The following TCN1 variants were observed in gnomAD, a reference collection of about 807,000 sequenced individuals.
TCN1 encodes transcobalamin-1.
A neutral mutation model predicts 46.3 loss-of-function variants in TCN1; 47 were observed. The ratio of observed to expected loss-of-function variants is 1.01; its 90% CI spans 0.80 to 1.29. The LOEUF (loss-of-function observed/expected upper bound fraction) is 1.29, where lower values mean the gene tolerates loss of function less well. TCN1 is among the 50% of genes most tolerant of loss of function. The pLI, the probability that TCN1 is intolerant of heterozygous loss-of-function variation, is 0.00. For missense variants in TCN1, 532 were observed against 511.0 expected (o/e 1.04, Z -0.40); for synonymous variants, 183 against 192.5 (o/e 0.95, Z 0.41).
rs960205512 is a variant in TCN1 at position 59,852,908 on chromosome 11, A to G, written c.*67T>C. 5.0e-6 allele frequency: 7 copies of G among 1,403,962 alleles called. No homozygotes were observed. The highest frequency in any genetic ancestry group is 2.3e-5 in the East Asian group (1 of 43,840). The allele number at this position is 1,403,962 out of a possible 1,614,324, so 87.0% of individuals were successfully genotyped here. A position where few individuals can be genotyped will look rare whatever the true frequency, so the allele number is the denominator to read the frequency against. ...TACTGGGATAAATGAAGAAGAAGGC[A>G]TAAGGACAATAAACATGGAACTCCA... On this transcript the variant is annotated 3_prime_UTR_variant, in exon 9 of 9. Coordinates refer to ENST00000257264, the MANE Select transcript of TCN1 (RefSeq NM_001062.4).
intron 2 of TCN1, 68 bp downstream of exon 2, chr11:59,863,839 A>C (rs1853043219): frequency 1.3e-6 from 2 of 1,575,682 alleles, no homozygotes; most frequent in Admixed American, 1.7e-5. Context: ...ATTTTTTAGG[A>C]TTAGTTGCAG....
Position 59,852,929 on chromosome 11 carries a change from C to A in TCN1, c.*46G>T. On this transcript the variant is annotated 3_prime_UTR_variant, in exon 9 of 9. Coordinates refer to ENST00000257264, the MANE Select transcript of TCN1 (RefSeq NM_001062.4). ...AGGCATAAGGACAATAAACATGGAACTCCACTGCAAATGGATTTTATGCAG... is the reference window on the plus strand; with the variant it reads ...AGGCATAAGGACAATAAACATGGAAATCCACTGCAAATGGATTTTATGCAG... The A allele has an allele frequency of 1.3e-6, 2 of 1,563,882 alleles. No homozygotes were observed. The highest frequency in any genetic ancestry group is 1.8e-6 in the Non-Finnish European group (2 of 1,134,224).
intron 4 of TCN1, 105 bp from the exon 5 acceptor site, chr11:59,859,372 G>T: frequency 7.9e-7 from 1 of 1,258,108 alleles, no homozygotes; most frequent in Non-Finnish European, 1.1e-6. Flanking sequence ...AAGAAAAACA[G>T]ATCTAGAAAA....
chr11:59,860,879 G>A (rs1853008542), intron 4 of TCN1, among the ~76,000 whole-genome samples: 1 of 152,136 alleles, frequency 6.6e-6, no homozygotes, highest in Admixed American at 6.5e-5. Context: ...AATACTACAT[G>A]GTGATTTGCT....
intron 1 of TCN1, among the ~76,000 whole-genome samples, chr11:59,865,064 A>C (rs1853059815): frequency 6.6e-6 from 1 of 152,208 alleles, no homozygotes; most frequent in Non-Finnish European, 1.5e-5. Flanking sequence ...AAACTGTAAA[A>C]TGCTGCACAT....
At position 59,861,651 on chromosome 11, in the gene TCN1, GTAGT is replaced by G. The variant is rs969748517; in HGVS notation, c.428_431del (p.Asn143ThrfsTer42). The G allele has an allele frequency of 2.5e-6, 4 of 1,614,182 alleles. No individual in the cohort carries two copies. The highest frequency in any genetic ancestry group is 3.4e-6 in the Non-Finnish European group (4 of 1,179,986). The stretch of plus-strand genomic sequence containing the variant: ...CCAAAACGTCCAGGCTGAGCTGGTA[GTAGT>G]TAGTCAGGGGAGTGCCATTGTGTGC... On this transcript the variant is annotated frameshift_variant, in exon 4 of 9. Coordinates refer to ENST00000257264, the MANE Select transcript of TCN1 (RefSeq NM_001062.4). LOFTEE classifies it high-confidence loss of function.
In TCN1 at chr11:59,853,334, G is replaced by GC; in HGVS notation, c.1122-14dup. 6.2e-7 allele frequency: 1 copy of GC among 1,609,120 alleles called. No homozygotes were observed. Among genetic ancestry groups the GC allele is most frequent in the Non-Finnish European group, 8.5e-7 (1 of 1,175,434 alleles). On this transcript the variant is annotated splice_polypyrimidine_tract_variant and intron_variant, in intron 7 of 8. Transcript: ENST00000257264. ...CTCCATTGTGAAACTGTGGGTGACA[G>GC]CAAGTAGGTTACTGGAACTTAGAAT... is the stretch of plus-strand genomic sequence containing the variant.
chr11:59,857,550 C>T (rs148725926), intron 5 of TCN1, among the ~76,000 whole-genome samples: 2 of 152,168 alleles, frequency 1.3e-5, no homozygotes, highest in African/African-American at 4.8e-5. Flanking sequence ...GCCTAACATT[C>T]TTTTGTGCTT....
intron 5 of TCN1, among the ~76,000 whole-genome samples, chr11:59,858,831 G>A (rs764369713): frequency 1.3e-5 from 2 of 152,090 alleles, no homozygotes; most frequent in Admixed American, 6.5e-5. Flanking sequence ...TTAGCCGGGC[G>A]TGGTGGTGGA....
rs142805308 is a variant in TCN1, at chr11:59,854,773, T to C, written c.1000A>G (p.Ile334Val). Residue 334 changes from isoleucine to valine, a missense_variant, in exon 7 of 9, where the codon ATC becomes GTC. Physicochemically the swap from Ile to Val is conservative, Grantham distance 29. Coordinates refer to ENST00000257264, the MANE Select transcript of TCN1 (RefSeq NM_001062.4). ...ATTCTCACAGAGTAATTGACGGAGA[T>C]ATATGATTGTGAGTCAGGAGGTGTC... The part of the protein sequence containing the change: ...TVTPPDSQSY[I>V]SVNYSVRINE... 5,360 of 1,614,032 alleles carry C rather than the reference T, an allele frequency of 3.3e-3. 21 individuals are homozygous for C. The highest frequency in any genetic ancestry group is 3.8e-3 in the Non-Finnish European group (4,458 of 1,179,934).
chr11:59,858,445 A>T (rs1472338772), intron 5 of TCN1, among the ~76,000 whole-genome samples: 1 of 152,184 alleles, frequency 6.6e-6, no homozygotes, highest in African/African-American at 2.4e-5. Flanking sequence ...GTGTGTGTGA[A>T]AGTGTAAACT....
At chr11:59,857,488 A>G (rs992046452) in intron 5 of TCN1, among the ~76,000 whole-genome samples, 2 of 152,180 alleles carry the variant, frequency 1.3e-5, no homozygotes, top group African/African-American at 4.8e-5. Context: ...GCCTCCTGTT[A>G]TGTTTCCCAA....
At chr11:59,865,714 A>G (rs961104467) in intron 1 of TCN1, among the ~76,000 whole-genome samples, 5 of 152,184 alleles carry the variant, frequency 3.3e-5, no homozygotes, top group Non-Finnish European at 7.4e-5. Flanking sequence ...GAAGCTAAAG[A>G]AATTCAGAAA....
In TCN1 at chr11:59,856,073, TGGGGTG is replaced by T; in HGVS notation, c.748-21_748-16del. The T allele has an allele frequency of 7.4e-6, 2 of 270,388 alleles. No homozygotes were observed. Among genetic ancestry groups the T allele is most frequent in the Non-Finnish European group, 1.4e-5 (2 of 145,920 alleles). 16.7% of individuals were successfully genotyped at this position (270,388 alleles called of 1,614,324 possible). ...ACAAAGAGGGCCTAATGAGGCAGGG[TGGGGTG>T]GGGGGGTGATGAGAGATAAAGAGAG... On this transcript the variant is annotated splice_polypyrimidine_tract_variant and intron_variant, in intron 5 of 8. Coordinates refer to ENST00000257264, the MANE Select transcript of TCN1 (RefSeq NM_001062.4).
chr11:59,862,753 G>A (rs781659018), intron 2 of TCN1, 31 bp from the exon 3 acceptor site: 6 of 1,611,306 alleles, frequency 3.7e-6, no homozygotes, highest in East Asian at 2.2e-5. Flanking sequence ...GCTTAATAAG[G>A]TACAGGCTTG....
At chr11:59,858,721 C>G (rs1852977603) in intron 5 of TCN1, among the ~76,000 whole-genome samples, 1 of 152,218 alleles carries the variant, frequency 6.6e-6, no homozygotes. Context: ...GTAATCCCAG[C>G]ACTTTGGGAG....
At chr11:59,858,925 C>A (rs946331405) in intron 5 of TCN1, 152 bp downstream of exon 5, 3 of 848,788 alleles carry the variant, frequency 3.5e-6, no homozygotes. Flanking sequence ...ATCGCTTGAA[C>A]TCGGGAGGCG....
At position 59,859,262 on chromosome 11, in the gene TCN1, C is replaced by T. The variant is rs755035216; in HGVS notation, c.562G>A (p.Gly188Ser). Residue 188 changes from glycine (G) to serine (S), a missense_variant, in exon 5 of 9, where the codon GGT becomes AGT. Physicochemically the swap from Gly to Ser is moderately conservative, Grantham distance 56. Coordinates refer to ENST00000257264, the MANE Select transcript of TCN1 (RefSeq NM_001062.4). Reference protein sequence around the residue: ...YFGSQFSVDTGAMAVLALTCV... With the variant: ...YFGSQFSVDTSAMAVLALTCV... ...GTCAGAGCCAGGACAGCCATTGCAC[C>T]AGTATCTGTCAGGAAACAAAACATT... 21 of 1,613,408 alleles carry T rather than the reference C, an allele frequency of 1.3e-5. No individual in the cohort carries two copies. The highest frequency in any genetic ancestry group is 1.7e-4 in the Middle Eastern group (1 of 6,060).
intron 7 of TCN1, among the ~76,000 whole-genome samples, chr11:59,854,053 TG>T (rs1190416900): frequency 2.0e-5 from 3 of 151,282 alleles, no homozygotes; most frequent in Non-Finnish European, 2.9e-5. Flanking sequence ...ATGAGTTTTC[TG>T]AAAGCGAGGG....
Sources: allele counts gnomAD v4.1 joint callset (sites outside exome capture counted in the v4.1 genomes callset), GRCh38; gene constraint gnomAD v4.1.1; transcripts MANE v1.5; gene names NCBI Gene and HGNC (gene_info 2026-07-23, HGNC 2026-07-21).